RSRC1: variants seen among roughly 807,000 people sequenced by gnomAD.
The protein encoded by RSRC1 is serine/Arginine-related protein 53.
RSRC1 carries 39 observed loss-of-function variants against 49.1 expected under a neutral mutation model. That is an observed-to-expected ratio of 0.79 (90% confidence interval 0.61 to 1.04). RSRC1 has a LOEUF of 1.04. Ranked by LOEUF, RSRC1 falls within the 50% of genes least tolerant of loss-of-function variation. RSRC1 has a pLI of 0.00. For missense variants in RSRC1, 388 were observed against 402.4 expected, an observed-to-expected ratio of 0.96 and a Z score of 0.31; for synonymous variants, 143 against 130.8, an observed-to-expected ratio of 1.09 and a Z score of -0.63.
At chr3:158,242,012 T>C (rs1319697633) in intron 4 of RSRC1, among the ~76,000 whole-genome samples, 1 of 151,700 alleles carries the variant, frequency 6.6e-6, no homozygotes, top group Non-Finnish European at 1.5e-5. Context: ...TTTCATTCTT[T>C]GTTTTTCTTA....
At chr3:158,452,698 C>T (rs148102347) in intron 6 of RSRC1, among the ~76,000 whole-genome samples, 73 of 152,284 alleles carry the variant, frequency 4.8e-4, no homozygotes, top group African/African-American at 1.6e-3. Context: ...TTTTTATTTA[C>T]AGTTAATTAG....
chr3:158,221,047 G>T (rs558613808), intron 4 of RSRC1, among the ~76,000 whole-genome samples: 1 of 151,586 alleles, frequency 6.6e-6, no homozygotes, highest in African/African-American at 2.4e-5. Context: ...CTGAAAATTT[G>T]ATATTATTCA....
At chr3:158,270,686 G>A (rs1725467578) in intron 4 of RSRC1, among the ~76,000 whole-genome samples, 1 of 151,914 alleles carries the variant, frequency 6.6e-6, no homozygotes, top group Non-Finnish European at 1.5e-5. Context: ...TTTAAGCATG[G>A]CATTTATGTT....
intron 5 of RSRC1, among the ~76,000 whole-genome samples, chr3:158,316,593 C>T (rs536917580): frequency 1.6e-4 from 24 of 149,750 alleles, no homozygotes; most frequent in East Asian, 4.0e-4. Context: ...TACAGGCGCC[C>T]GCCACCTCGC....
Position 158,470,865 on chromosome 3 carries a change from G to A in RSRC1, c.652+9862G>A, listed in dbSNP as rs1330546568. ...GTCATTCCCTATTAGACTGGGTACA[G>A]TGCATTAGACAATACATAGGGCAAG... On this transcript the variant is annotated intron_variant, in intron 7 of 9. Coordinates refer to ENST00000611884, the MANE Select transcript of RSRC1 (RefSeq NM_001271838.2). Among the ~76,000 whole-genome samples, 3 of 152,110 alleles carry A rather than the reference G, an allele frequency of 2.0e-5. 1 individual carries two copies. Among genetic ancestry groups the A allele is most frequent in the African/African-American group, 7.2e-5 (3 of 41,446 alleles).
intron 5 of RSRC1, among the ~76,000 whole-genome samples, chr3:158,305,489 TG>T (rs1727788755): frequency 6.6e-6 from 1 of 152,080 alleles, no homozygotes; most frequent in African/African-American, 2.4e-5. Flanking sequence ...TTCTTATTTT[TG>T]TTTTTTGTAT....
At chr3:158,352,613 C>T (rs774015966) in intron 5 of RSRC1, among the ~76,000 whole-genome samples, 2 of 152,134 alleles carry the variant, frequency 1.3e-5, no homozygotes, top group Non-Finnish European at 2.9e-5. Context: ...CCTAATTCTT[C>T]GCTTGCTTAG....
chr3:158,153,999 TA>T lies in RSRC1; in HGVS notation c.320+30012del, dbSNP rs542275105. Reference sequence around the variant, plus strand: ...TATTTCCCCAATAAAACTCCAAATTTAAAACAACCTGAATCCTTGACTGGAC... The same window carrying T: ...TATTTCCCCAATAAAACTCCAAATTTAAACAACCTGAATCCTTGACTGGAC... On this transcript the variant is annotated intron_variant, in intron 3 of 9. Transcript: ENST00000611884. 6.6e-4 allele frequency among the ~76,000 whole-genome samples: 100 copies of T among 152,260 alleles called. No homozygotes were observed. In the South Asian group the frequency reaches 7.9e-3, roughly 12 times the overall value.
chr3:158,481,707 G>A (rs1323264098), intron 7 of RSRC1, among the ~76,000 whole-genome samples: 1 of 151,994 alleles, frequency 6.6e-6, no homozygotes, highest in East Asian at 1.9e-4. Context: ...ACCTAATTGA[G>A]GTTATTTTAA....
chr3:158,115,266 A>G (rs963466887), intron 1 of RSRC1, among the ~76,000 whole-genome samples: 1 of 152,208 alleles, frequency 6.6e-6, no homozygotes, highest in Non-Finnish European at 1.5e-5. Context: ...AATTAGAACA[A>G]ATAAAAAATT....
At chr3:158,168,403 C>G (rs1056377193) in intron 3 of RSRC1, among the ~76,000 whole-genome samples, 6 of 152,136 alleles carry the variant, frequency 3.9e-5, no homozygotes, top group African/African-American at 1.4e-4. Flanking sequence ...AGTTTTGAGA[C>G]AGTTTATTAT....
chr3:158,264,423 C>T (rs1219238262), intron 4 of RSRC1, among the ~76,000 whole-genome samples: 1 of 152,098 alleles, frequency 6.6e-6, no homozygotes, highest in Non-Finnish European at 1.5e-5. Context: ...ATTTAGACTT[C>T]TTTTATGGCT....
At chr3:158,116,304 G>A (rs1409913807) in intron 1 of RSRC1, among the ~76,000 whole-genome samples, 1 of 152,060 alleles carries the variant, frequency 6.6e-6, no homozygotes, top group African/African-American at 2.4e-5. Context: ...ATTATAGTGA[G>A]TTTTTAAAAT....
At chr3:158,155,618 T>G (rs1316679874) in intron 3 of RSRC1, among the ~76,000 whole-genome samples, 1 of 148,624 alleles carries the variant, frequency 6.7e-6, no homozygotes, top group Non-Finnish European at 1.5e-5. Flanking sequence ...TTTTTTTGTA[T>G]TTTTTGTAGA....
At chr3:158,497,328 T>A (rs551587845) in intron 7 of RSRC1, among the ~76,000 whole-genome samples, 1 of 151,886 alleles carries the variant, frequency 6.6e-6, no homozygotes, top group Non-Finnish European at 1.5e-5. Flanking sequence ...TGGTGATTTG[T>A]GAGATTTTGG....
intron 6 of RSRC1, among the ~76,000 whole-genome samples, chr3:158,412,649 G>T (rs56987573): frequency 0.094 from 14,254 of 152,022 alleles, 2,277 homozygotes; most frequent in African/African-American, 0.33. Flanking sequence ...TTCTTAAAGG[G>T]TTAAGATAAA....
At chr3:158,291,965 G>A (rs913880147) in intron 4 of RSRC1, among the ~76,000 whole-genome samples, 5 of 152,164 alleles carry the variant, frequency 3.3e-5, no homozygotes, top group Non-Finnish European at 7.4e-5. Flanking sequence ...AATGAAATTT[G>A]TTTGTAACAA....
chr3:158,282,812 A>G (rs1726259718), intron 4 of RSRC1, among the ~76,000 whole-genome samples: 1 of 152,226 alleles, frequency 6.6e-6, no homozygotes, highest in East Asian at 1.9e-4. Context: ...GAAGAGTTAC[A>G]TATTGGCAGA....
intron 5 of RSRC1, among the ~76,000 whole-genome samples, chr3:158,349,413 T>C (rs1041795602): frequency 1.3e-5 from 2 of 152,164 alleles, no homozygotes; most frequent in Non-Finnish European, 2.9e-5. Context: ...TGCCCAGTTT[T>C]TAATGGGACC....
Sources: allele counts gnomAD v4.1 joint callset (sites outside exome capture counted in the v4.1 genomes callset), GRCh38; gene constraint gnomAD v4.1.1; transcripts MANE v1.5; gene names NCBI Gene and HGNC (gene_info 2026-07-23, HGNC 2026-07-21).